The following SDCBP variants were observed in gnomAD, a reference collection of about 807,000 sequenced individuals.
SDCBP encodes syntenin-1.
Under a neutral mutation model 30.5 loss-of-function variants are expected in SDCBP, and 22 were observed. The observed-to-expected ratio is 0.72, with a 90% CI of 0.52 to 1.03. The LOEUF is 1.03. Ranked by LOEUF, SDCBP falls within the 50% of genes least tolerant of loss-of-function variation. The pLI is 0.00. For synonymous variants in SDCBP, 103 were observed against 118.7 expected (o/e 0.87, Z 0.86); for missense variants, 304 against 369.9 (o/e 0.82, Z 1.46).
intron 4 of SDCBP, 131 bp from the exon 5 acceptor site, chr8:58,575,769 C>A: frequency 1.4e-6 from 1 of 722,996 alleles, no homozygotes; most frequent in Non-Finnish European, 2.3e-6. Context: ...AGACATCAAA[C>A]TTTATCGGAA....
chr8:58,577,428 C>A (rs1215648511), intron 5 of SDCBP, among the ~76,000 whole-genome samples: 1 of 152,174 alleles, frequency 6.6e-6, no homozygotes, highest in African/African-American at 2.4e-5. Flanking sequence ...GTATTTATTT[C>A]ATTGTGTGTT....
chr8:58,579,846 T>A lies in SDCBP; in HGVS notation c.750+52T>A, dbSNP rs770986800. On this transcript the variant is annotated intron_variant, in intron 7 of 8. Coordinates refer to ENST00000260130, the MANE Select transcript of SDCBP (RefSeq NM_005625.4). ...CTGCTGCAGTTTTAGAAAATGTCTGTCTTTTGACTGTATTTAGGTGGCGCT... is the reference window on the plus strand; with the variant it reads ...CTGCTGCAGTTTTAGAAAATGTCTGACTTTTGACTGTATTTAGGTGGCGCT... 8.1e-5 allele frequency: 123 copies of A among 1,512,736 alleles called. 1 individual carries two copies. The highest frequency in any genetic ancestry group is 9.9e-5 in the Non-Finnish European group (111 of 1,125,824). 93.7% of individuals were successfully genotyped at this position (1,512,736 alleles called of 1,614,324 possible).
chr8:58,555,903 C>G (rs1320473078), intron 1 of SDCBP, among the ~76,000 whole-genome samples: 1 of 151,926 alleles, frequency 6.6e-6, no homozygotes, highest in East Asian at 1.9e-4. Context: ...TTACATTTTT[C>G]ATTCATTTTA....
At chr8:58,554,791 T>C (rs1241735598) in intron 1 of SDCBP, among the ~76,000 whole-genome samples, 1 of 152,226 alleles carries the variant, frequency 6.6e-6, no homozygotes, top group Non-Finnish European at 1.5e-5. Flanking sequence ...CAAATAACTT[T>C]GAAATACTTT....
intron 2 of SDCBP, among the ~76,000 whole-genome samples, chr8:58,567,633 G>A (rs1363880064): frequency 6.6e-6 from 1 of 152,186 alleles, no homozygotes; most frequent in Non-Finnish European, 1.5e-5. Flanking sequence ...AGACGGATAT[G>A]TTCTGAGAAA....
At chr8:58,570,987 A>G in intron 3 of SDCBP, 22 bp downstream of exon 3, 1 of 1,527,806 alleles carries the variant, frequency 6.5e-7, no homozygotes. Context: ...CTTTGAGTTC[A>G]TTCTCTGTGA....
At chr8:58,554,336 A>G (rs1755264004) in intron 1 of SDCBP, among the ~76,000 whole-genome samples, 1 of 152,220 alleles carries the variant, frequency 6.6e-6, no homozygotes, top group Non-Finnish European at 1.5e-5. Context: ...TAAAACTCAA[A>G]TTTGTTCAGT....
At chr8:58,573,809 C>A (rs1033260670) in intron 4 of SDCBP, among the ~76,000 whole-genome samples, 14 of 152,182 alleles carry the variant, frequency 9.2e-5, no homozygotes, top group Non-Finnish European at 1.9e-4. Flanking sequence ...TTGGAGCTGA[C>A]AAACAGTAGT....
chr8:58,578,056 G>A lies in SDCBP; in HGVS notation c.426G>A (p.Gln142=). ...AGGGTATATTTGTTCAGCTAGTCCA[G>A]GCTAATTCTCCAGCCTCATTGGTTG... ...IDNGIFVQLV[Q]ANSPASLVGL... Residue 142 remains glutamine, a synonymous_variant, in exon 6 of 9, where the codon CAG becomes CAA. Transcript: ENST00000260130. 6.2e-7 allele frequency: 1 copy of A among 1,613,698 alleles called. No homozygotes were observed. The highest frequency in any genetic ancestry group is 1.1e-5 in the South Asian group (1 of 91,070).
intron 2 of SDCBP, among the ~76,000 whole-genome samples, chr8:58,570,045 T>C (rs543605842): frequency 6.6e-6 from 1 of 152,318 alleles, no homozygotes; most frequent in African/African-American, 2.4e-5. Context: ...ATGATACATT[T>C]CCAATAAAGT....
chr8:58,570,113 A>T (rs1804933906), intron 2 of SDCBP, among the ~76,000 whole-genome samples: 1 of 152,198 alleles, frequency 6.6e-6, no homozygotes, highest in African/African-American at 2.4e-5. Flanking sequence ...CTAATGACAT[A>T]TAGCTATTTC....
chr8:58,577,944 C>T, intron 5 of SDCBP, 89 bp from the exon 6 acceptor site: 1 of 1,012,982 alleles, frequency 9.9e-7, no homozygotes, highest in Non-Finnish European at 1.5e-6. Flanking sequence ...GTAGAGTTTT[C>T]AACATAAACA....
intron 7 of SDCBP, chr8:58,580,069 G>GCC (rs1299444341): frequency 3.1e-6 from 1 of 320,082 alleles, no homozygotes; most frequent in African/African-American, 2.2e-5. Context: ...ATGAATAGTG[G>GCC]CCCAGCATTT....
chr8:58,554,335 A>C (rs952079672), intron 1 of SDCBP, among the ~76,000 whole-genome samples: 1 of 152,228 alleles, frequency 6.6e-6, no homozygotes, highest in African/African-American at 2.4e-5. Context: ...TTAAAACTCA[A>C]ATTTGTTCAG....
intron 3 of SDCBP, 141 bp from the exon 4 acceptor site, chr8:58,572,064 C>T: frequency 1.7e-6 from 1 of 574,918 alleles, no homozygotes. Flanking sequence ...GGGGAGATGC[C>T]TTTCCAAATT....
chr8:58,556,103 T>C (rs1190977470), intron 1 of SDCBP, among the ~76,000 whole-genome samples: 1 of 152,232 alleles, frequency 6.6e-6, no homozygotes, highest in Non-Finnish European at 1.5e-5. Context: ...AAAAAATCAA[T>C]GATTCTGCCG....
At chr8:58,558,954 G>A (rs1804293939) in intron 1 of SDCBP, among the ~76,000 whole-genome samples, 1 of 152,186 alleles carries the variant, frequency 6.6e-6, no homozygotes, top group Non-Finnish European at 1.5e-5. Context: ...AATGGGTCAA[G>A]AAAGTAAAAT....
At chr8:58,575,317 G>A (rs1346950817) in intron 4 of SDCBP, among the ~76,000 whole-genome samples, 2 of 152,116 alleles carry the variant, frequency 1.3e-5, no homozygotes, top group Non-Finnish European at 2.9e-5. Context: ...CTTGAAACAT[G>A]GTATATGACA....
At chr8:58,568,791 G>C (rs940509265) in intron 2 of SDCBP, among the ~76,000 whole-genome samples, 1 of 152,160 alleles carries the variant, frequency 6.6e-6, no homozygotes, top group Admixed American at 6.5e-5. Context: ...TACCATTGTA[G>C]CATTAGACAG....
Sources: gnomAD v4.1 joint callset for allele counts (sites outside exome capture counted in the v4.1 genomes callset) on GRCh38, gnomAD v4.1.1 for gene constraint, MANE v1.5 for transcripts, NCBI Gene and HGNC (gene_info 2026-07-23, HGNC 2026-07-21) for gene names.